Variants in LIPN observed in about 807,000 individuals in gnomAD.
LIPN encodes the protein lipase family member N.
In LIPN, 32 loss-of-function variants were observed where a neutral mutation model predicts 43.7. The ratio of observed to expected loss-of-function variants is 0.73; its 90% CI spans 0.55 to 0.98. The LOEUF (loss-of-function observed/expected upper bound fraction) is 0.98, where lower values mean the gene tolerates loss of function less well. Ranked by LOEUF, LIPN falls within the 50% of genes least tolerant of loss-of-function variation. The pLI is 0.00. For missense variants in LIPN, 505 were observed against 483.8 expected, an observed-to-expected ratio of 1.04 and a Z score of -0.41; for synonymous variants, 156 against 157.6, an observed-to-expected ratio of 0.99 and a Z score of 0.08.
intron 5 of LIPN, 137 bp from the exon 6 acceptor site, chr10:88,768,655 T>C (rs1181652013): frequency 1.6e-6 from 1 of 625,892 alleles, no homozygotes; most frequent in Non-Finnish European, 2.7e-6. Flanking sequence ...CTTTATAGAA[T>C]AACTCAGAAG....
intron 1 of LIPN, among the ~76,000 whole-genome samples, chr10:88,761,152 G>A (rs1842989186): frequency 6.6e-6 from 1 of 152,016 alleles, no homozygotes; most frequent in African/African-American, 2.4e-5. Context: ...GACCAAAAAT[G>A]CCTCCATACT....
chr10:88,774,056 T>A (rs1843254464), intron 7 of LIPN, among the ~76,000 whole-genome samples: 1 of 152,004 alleles, frequency 6.6e-6, no homozygotes, highest in South Asian at 2.1e-4. Flanking sequence ...GGTGGCCAAG[T>A]TCACAAAGCT....
chr10:88,775,862 G>A (rs1388680135), intron 9 of LIPN, among the ~76,000 whole-genome samples: 2 of 151,926 alleles, frequency 1.3e-5, no homozygotes, highest in Non-Finnish European at 1.5e-5. Context: ...ATTTACTGGT[G>A]CAACTATAGA....
intron 6 of LIPN, 131 bp downstream of exon 6, chr10:88,769,059 T>G: frequency 1.1e-6 from 1 of 879,286 alleles, no homozygotes; most frequent in Non-Finnish European, 1.7e-6. Context: ...TCTGTGGGTA[T>G]GTGCTTGTGT....
chr10:88,763,945 C>A (rs1264727872), intron 3 of LIPN, among the ~76,000 whole-genome samples: 1 of 151,912 alleles, frequency 6.6e-6, no homozygotes, highest in African/African-American at 2.4e-5. Flanking sequence ...AAACCACACC[C>A]AGGAAATTTG....
intron 9 of LIPN, 82 bp downstream of exon 9, chr10:88,775,245 C>G: frequency 1.1e-6 from 1 of 951,862 alleles, no homozygotes; most frequent in Non-Finnish European, 1.6e-6. Flanking sequence ...AGACTCCTAC[C>G]TGTCATTTGG....
intron 9 of LIPN, among the ~76,000 whole-genome samples, chr10:88,777,337 CTCTT>C (rs1260735709): frequency 3.3e-5 from 5 of 152,074 alleles, no homozygotes; most frequent in Non-Finnish European, 5.9e-5. Context: ...CTTCAAAACT[CTCTT>C]TCTTCCTTGG....
chr10:88,768,015 TACACACACACACACACACACACACACAC>T (rs60861050), intron 5 of LIPN, among the ~76,000 whole-genome samples: 1 of 140,980 alleles, frequency 7.1e-6, no homozygotes, highest in Non-Finnish European at 1.6e-5. Flanking sequence ...AGTGTTTCAG[TACACACACACACACACACACACACACAC>T]ACACACACAC....
upstream of LIPN, among the ~76,000 whole-genome samples, chr10:88,758,956 TG>T (rs1264346138): frequency 1.3e-5 from 2 of 152,150 alleles, no homozygotes; most frequent in Admixed American, 1.3e-4. Flanking sequence ...AATAAAGTTT[TG>T]TTAGAAAGGA....
At chr10:88,773,755 C>G (rs1029118628) in intron 7 of LIPN, among the ~76,000 whole-genome samples, 1 of 151,790 alleles carries the variant, frequency 6.6e-6, no homozygotes, top group African/African-American at 2.4e-5. Flanking sequence ...AGACTGAAAC[C>G]CATAAGGAAC....
intron 5 of LIPN, 42 bp from the exon 6 acceptor site, chr10:88,768,750 G>A: frequency 6.3e-7 from 1 of 1,584,672 alleles, no homozygotes; most frequent in Non-Finnish European, 8.6e-7. Context: ...CACTGCGTAA[G>A]TATTTATTTT....
Position 88,766,254 on chromosome 10 carries a change from T to G in LIPN, c.426-15T>G, listed in dbSNP as rs1436356314. On this transcript the variant is annotated splice_polypyrimidine_tract_variant and intron_variant, in intron 4 of 9. Transcript: ENST00000404459. Reference sequence around the variant, plus strand: ...ACTTGCAAGTATTTATAAAAGCCCCTGTTTTATTTTGCAGTTTTGATGAAA... The same window carrying G: ...ACTTGCAAGTATTTATAAAAGCCCCGGTTTTATTTTGCAGTTTTGATGAAA... 8.0e-7 allele frequency: 1 copy of G among 1,244,790 alleles called. No homozygotes were observed. The highest frequency in any genetic ancestry group is 2.3e-5 in the East Asian group (1 of 42,992). The allele number at this position is 1,244,790 out of a possible 1,614,324, so 77.1% of individuals were successfully genotyped here. A position where few individuals can be genotyped will look rare whatever the true frequency, so the allele number is the denominator to read the frequency against.
chr10:88,764,752 CAAG>C, intron 4 of LIPN, 144 bp downstream of exon 4: 2 of 543,672 alleles, frequency 3.7e-6, no homozygotes, highest in Non-Finnish European at 6.1e-6. Flanking sequence ...AGGGTAACAG[CAAG>C]AAGCTCTGAT....
At chr10:88,764,778 C>A (rs76591001) in intron 4 of LIPN, among the ~76,000 whole-genome samples, 170 bp downstream of exon 4, 1 of 152,072 alleles carries the variant, frequency 6.6e-6, no homozygotes, top group Non-Finnish European at 1.5e-5. Flanking sequence ...TTCACTGATT[C>A]TCCCACAGGC....
At chr10:88,761,343 T>C (rs962855028) in intron 1 of LIPN, 55 bp from the exon 2 acceptor site, 1 of 1,005,668 alleles carries the variant, frequency 9.9e-7, no homozygotes, top group African/African-American at 1.6e-5. Flanking sequence ...TTTTATTTCA[T>C]TAATCAACAT....
intron 1 of LIPN, among the ~76,000 whole-genome samples, chr10:88,760,685 T>A (rs1030042298): frequency 5.9e-5 from 9 of 152,264 alleles, no homozygotes; most frequent in Admixed American, 2.6e-4. Context: ...CTAATTTTAC[T>A]AACAAGGAAA....
chr10:88,761,830 GT>G (rs1441627331), intron 2 of LIPN, among the ~76,000 whole-genome samples: 1 of 151,014 alleles, frequency 6.6e-6, no homozygotes, highest in Non-Finnish European at 1.5e-5. Flanking sequence ...TTGAATTTAT[GT>G]TTTAAGAATA....
In LIPN at chr10:88,764,524, T is replaced by C. The variant is rs774863612; in HGVS notation, c.341T>C (p.Val114Ala). ...CTTCTAGCAGATGCAGGTTATGATG[T>C]ATGGATGGGAAACAGTCGGGGAAAC... The part of the protein sequence containing the change: ...GFLLADAGYD[V>A]WMGNSRGNTW... Residue 114 changes from valine to alanine, a missense_variant, in exon 4 of 10, where the codon GTA (valine) becomes GCA (alanine). Physicochemically the swap from Val to Ala is moderately conservative, Grantham distance 64. Transcript: ENST00000404459. The C allele has an allele frequency of 1.2e-6, 2 of 1,611,924 alleles. No homozygotes were observed. Among genetic ancestry groups the C allele is most frequent in the East Asian group, 2.2e-5 (1 of 44,812 alleles).
upstream of LIPN, among the ~76,000 whole-genome samples, chr10:88,758,546 A>G (rs2097255990): frequency 6.7e-6 from 1 of 148,808 alleles, no homozygotes; most frequent in South Asian, 2.1e-4. Context: ...TATATAGAAA[A>G]TATATATTAC....
Sources: allele counts gnomAD v4.1 joint callset (sites outside exome capture counted in the v4.1 genomes callset), GRCh38; gene constraint gnomAD v4.1.1; transcripts MANE v1.5; gene names NCBI Gene and HGNC (gene_info 2026-07-23, HGNC 2026-07-21).